SEMA3A: variants seen among roughly 807,000 people sequenced by gnomAD.
SEMA3A encodes the protein semaphorin-3A.
Under a neutral mutation model 97.9 loss-of-function variants are expected in SEMA3A, and 29 were observed. The observed-to-expected ratio is 0.30, with a 90% confidence interval of 0.22 to 0.40. The LOEUF (loss-of-function observed/expected upper bound fraction) is 0.40, where lower values mean the gene tolerates loss of function less well. Among genes scored for constraint, SEMA3A ranks in the 10% least tolerant of loss-of-function variants. The pLI, the probability that SEMA3A is intolerant of heterozygous loss-of-function variation, is 1.00. For synonymous variants in SEMA3A, 321 were observed against 323.7 expected, an observed-to-expected ratio of 0.99 and a Z score of 0.09; for missense variants, 763 against 951.3, an observed-to-expected ratio of 0.80 and a Z score of 2.60.
intron 3 of SEMA3A, among the ~76,000 whole-genome samples, chr7:84,242,205 T>A (rs939901237): frequency 1.3e-5 from 2 of 152,208 alleles, no homozygotes; most frequent in African/African-American, 4.8e-5. Context: ...ATTGAATCTA[T>A]AAATTCGTTT....
At chr7:84,303,632 A>G (rs1369366016) in intron 3 of SEMA3A, among the ~76,000 whole-genome samples, 2 of 152,124 alleles carry the variant, frequency 1.3e-5, no homozygotes, top group African/African-American at 4.8e-5. Context: ...TTTCAACTTC[A>G]CAATGATGCA....
At chr7:84,159,468 C>G (rs999905481) in intron 1 of SEMA3A, among the ~76,000 whole-genome samples, 2 of 152,016 alleles carry the variant, frequency 1.3e-5, no homozygotes, top group Non-Finnish European at 2.9e-5. Flanking sequence ...GTATTTCTCT[C>G]CAGGAAATAT....
In SEMA3A at chr7:84,476,308, G is replaced by A. The variant is rs546435054; in HGVS notation, c.-246+16152C>T. Among the ~76,000 whole-genome samples, 442 of 150,492 alleles carry A rather than the reference G, an allele frequency of 2.9e-3. 1 individual carries two copies. The highest frequency in any genetic ancestry group is 0.01 in the African/African-American group (423 of 40,916). Reference sequence around the variant, plus strand: ...CGGGAGGCGGAGGTTGCAGTGAGCCGAGATCGCACCACTGCACTCCAGCCT... The same window carrying A: ...CGGGAGGCGGAGGTTGCAGTGAGCCAAGATCGCACCACTGCACTCCAGCCT... On this transcript the variant is annotated intron_variant, in intron 1 of 3. Transcript: ENST00000424555.
intron 1 of SEMA3A, among the ~76,000 whole-genome samples, chr7:84,147,362 A>C (rs964435879): frequency 6.6e-6 from 1 of 152,196 alleles, no homozygotes; most frequent in Non-Finnish European, 1.5e-5. Flanking sequence ...TTCCATCCCA[A>C]GATACATTTT....
rs4728555 is a variant in SEMA3A at position 84,389,474 on chromosome 7, G to A, written c.-245-17574C>T. Among the ~76,000 whole-genome samples, 2,047 of 151,972 alleles carry A rather than the reference G, an allele frequency of 0.013. 94 individuals are homozygous for A. In the East Asian group the frequency reaches 0.16, roughly 12 times the overall value. ...TTTTGATTTTCAAGTATGTAATTGCGTAACTCAACAGTATACACCTGGTTT... is the reference window on the plus strand; with the variant it reads ...TTTTGATTTTCAAGTATGTAATTGCATAACTCAACAGTATACACCTGGTTT... On this transcript the variant is annotated intron_variant, in intron 1 of 3. Transcript: ENST00000424555.
chr7:84,144,847 C>A (rs1201444651), intron 1 of SEMA3A, among the ~76,000 whole-genome samples: 2 of 152,112 alleles, frequency 1.3e-5, no homozygotes, highest in Non-Finnish European at 2.9e-5. Context: ...CAAAAGAGAA[C>A]AGATATTACA....
chr7:84,489,286 C>T (rs1490564734), intron 1 of SEMA3A: 1 of 152,090 alleles, frequency 6.6e-6, no homozygotes. Flanking sequence ...ATTCAATTAT[C>T]TCCACCTGGT....
chr7:83,996,441 T>C (rs559596588), intron 12 of SEMA3A, among the ~76,000 whole-genome samples: 53 of 151,980 alleles, frequency 3.5e-4, no homozygotes, highest in African/African-American at 1.1e-3. Flanking sequence ...TAGCTGGGAT[T>C]ACAGGCATGT....
intron 3 of SEMA3A, among the ~76,000 whole-genome samples, chr7:84,262,448 C>T (rs1799881185): frequency 6.6e-6 from 1 of 152,156 alleles, no homozygotes; most frequent in African/African-American, 2.4e-5. Flanking sequence ...CTCCTGACCT[C>T]AGGTGATCTA....
At chr7:83,978,871 T>C (rs1040982918) in intron 14 of SEMA3A, among the ~76,000 whole-genome samples, 1 of 152,200 alleles carries the variant, frequency 6.6e-6, no homozygotes, top group African/African-American at 2.4e-5. Flanking sequence ...CTCATGAAAT[T>C]GGATTAAGTA....
At chr7:84,335,555 T>G (rs902184660) in intron 2 of SEMA3A, among the ~76,000 whole-genome samples, 21 of 152,170 alleles carry the variant, frequency 1.4e-4, no homozygotes, top group Admixed American at 6.6e-4. Context: ...AAGCGAAGAT[T>G]ATGCAATTCA....
chr7:84,115,966 A>G (rs1031827301), intron 3 of SEMA3A, among the ~76,000 whole-genome samples: 1 of 152,220 alleles, frequency 6.6e-6, no homozygotes, highest in African/African-American at 2.4e-5. Context: ...TAATTCTAAC[A>G]TACATGCCTT....
intron 1 of SEMA3A, among the ~76,000 whole-genome samples, chr7:84,377,658 G>A (rs1311823845): frequency 6.6e-6 from 1 of 152,132 alleles, no homozygotes; most frequent in Non-Finnish European, 1.5e-5. Context: ...ACTTGCCTGA[G>A]GTTGTACAAT....
At chr7:84,437,704 T>A (rs1805173069) in intron 1 of SEMA3A, among the ~76,000 whole-genome samples, 1 of 151,754 alleles carries the variant, frequency 6.6e-6, no homozygotes, top group Non-Finnish European at 1.5e-5. Flanking sequence ...GGAAGGCCAA[T>A]AAGAAATTAT....
At chr7:84,452,510 T>C (rs949443661) in intron 1 of SEMA3A, among the ~76,000 whole-genome samples, 1 of 152,206 alleles carries the variant, frequency 6.6e-6, no homozygotes, top group Non-Finnish European at 1.5e-5. Flanking sequence ...CAAGATAATA[T>C]ATGGTGGCAT....
intron 6 of SEMA3A, among the ~76,000 whole-genome samples, chr7:84,043,152 T>C (rs1301567523): frequency 1.3e-5 from 2 of 151,974 alleles, no homozygotes; most frequent in African/African-American, 2.4e-5. Context: ...TCGTAACTAA[T>C]GAAGATGTTT....
At chr7:84,100,941 T>C (rs1794943420) in intron 4 of SEMA3A, among the ~76,000 whole-genome samples, 1 of 152,172 alleles carries the variant, frequency 6.6e-6, no homozygotes, top group East Asian at 1.9e-4. Flanking sequence ...TCAGTGCTGT[T>C]CTCATTACCT....
chr7:84,088,689 T>C (rs1202774268), intron 4 of SEMA3A, among the ~76,000 whole-genome samples: 1 of 152,144 alleles, frequency 6.6e-6, no homozygotes, highest in Non-Finnish European at 1.5e-5. Context: ...ATTTGACATA[T>C]TCAGAAAACA....
At chr7:84,479,765 T>C (rs1044740123) in intron 1 of SEMA3A, among the ~76,000 whole-genome samples, 3 of 152,224 alleles carry the variant, frequency 2.0e-5, no homozygotes, top group Admixed American at 1.3e-4. Context: ...CCATACATAC[T>C]GCTCTGCATT....
Sources: gnomAD v4.1 joint callset for allele counts (sites outside exome capture counted in the v4.1 genomes callset) on GRCh38, gnomAD v4.1.1 for gene constraint, MANE v1.5 for transcripts, NCBI Gene and HGNC (gene_info 2026-07-23, HGNC 2026-07-21) for gene names.